Variants in STXBP5 observed in about 807,000 individuals in gnomAD.
STXBP5 encodes syntaxin-binding protein 5.
In STXBP5, 50 loss-of-function variants were observed where a neutral mutation model predicts 152.4. The observed-to-expected ratio is 0.33, with a 90% confidence interval of 0.26 to 0.42. The LOEUF (loss-of-function observed/expected upper bound fraction) is 0.42, where lower values mean the gene tolerates loss of function less well. Among genes scored for constraint, STXBP5 ranks in the 10% least tolerant of loss-of-function variants. The pLI is 1.00. For missense variants in STXBP5, 1,167 were observed against 1,388.6 expected, an observed-to-expected ratio of 0.84 and a Z score of 2.54; for synonymous variants, 492 against 494.7, an observed-to-expected ratio of 0.99 and a Z score of 0.07.
At chr6:147,285,378 C>T (rs1461021033) in intron 8 of STXBP5, among the ~76,000 whole-genome samples, 4 of 151,864 alleles carry the variant, frequency 2.6e-5, no homozygotes, top group East Asian at 1.9e-4. Context: ...AATGCTTAGC[C>T]TAGAATTATA....
At chr6:147,232,197 A>G (rs544790387) in intron 2 of STXBP5, among the ~76,000 whole-genome samples, 1 of 151,954 alleles carries the variant, frequency 6.6e-6, no homozygotes, top group African/African-American at 2.4e-5. Context: ...TAACTTGAAA[A>G]TAGAGGTCTT....
At chr6:147,208,783 C>T (rs1030859892) in intron 2 of STXBP5, among the ~76,000 whole-genome samples, 1 of 152,070 alleles carries the variant, frequency 6.6e-6, no homozygotes, top group African/African-American at 2.4e-5. Flanking sequence ...GATTTATCTA[C>T]TCTGGGTTAA....
At chr6:147,268,850 A>G (rs1306788485) in intron 7 of STXBP5, among the ~76,000 whole-genome samples, 1 of 152,166 alleles carries the variant, frequency 6.6e-6, no homozygotes, top group Non-Finnish European at 1.5e-5. Context: ...AGTATTTTTT[A>G]GAGAGGAGAA....
chr6:147,330,853 G>A (rs753660464), intron 18 of STXBP5, among the ~76,000 whole-genome samples: 10 of 152,144 alleles, frequency 6.6e-5, no homozygotes, highest in Non-Finnish European at 1.5e-4. Flanking sequence ...TTGTCTGTAG[G>A]CCAAAACCAG....
rs1047460128 is a variant in STXBP5, at chr6:147,353,261, C to T, written c.2255-62C>T. On this transcript the variant is annotated intron_variant, in intron 21 of 27. Coordinates refer to ENST00000321680, the MANE Select transcript of STXBP5 (RefSeq NM_001127715.4). ...AAGTATTCACTTCTATCTTGAAAAT[C>T]AGTTGATATTAGTATGAATCAAATA... 3 of 1,020,952 alleles carry T rather than the reference C, an allele frequency of 2.9e-6. No individual in the cohort carries two copies. The African/African-American group carries it at 5.0e-5, about 17-fold the overall frequency. 63.2% of individuals were successfully genotyped at this position (1,020,952 alleles called of 1,614,324 possible).
chr6:147,330,103 T>C (rs1264459261), intron 18 of STXBP5, among the ~76,000 whole-genome samples: 1 of 152,126 alleles, frequency 6.6e-6, no homozygotes, highest in African/African-American at 2.4e-5. Context: ...GAGTAAAATA[T>C]AGGCTGTGTT....
At chr6:147,320,626 T>C (rs958561044) in intron 16 of STXBP5, among the ~76,000 whole-genome samples, 1 of 150,738 alleles carries the variant, frequency 6.6e-6, no homozygotes, top group African/African-American at 2.4e-5. Flanking sequence ...TTGGCAGCCA[T>C]GGGGGGTGGT....
At chr6:147,303,692 C>T (rs546630258) in intron 9 of STXBP5, among the ~76,000 whole-genome samples, 3 of 152,036 alleles carry the variant, frequency 2.0e-5, no homozygotes, top group South Asian at 2.1e-4. Flanking sequence ...CTCAGAAGAC[C>T]GAAAGATATG....
intron 25 of STXBP5, among the ~76,000 whole-genome samples, chr6:147,366,961 G>A (rs923471218): frequency 2.0e-5 from 3 of 152,170 alleles, no homozygotes; most frequent in Non-Finnish European, 4.4e-5. Flanking sequence ...TACCAGGCAT[G>A]GAAAGAGACA....
chr6:147,224,497 A>C (rs556727827), intron 2 of STXBP5, among the ~76,000 whole-genome samples: 1 of 152,342 alleles, frequency 6.6e-6, no homozygotes, highest in South Asian at 2.1e-4. Flanking sequence ...ATTAAGTTGC[A>C]GGTGATCCTC....
At chr6:147,271,408 A>G (rs1008918371) in intron 7 of STXBP5, among the ~76,000 whole-genome samples, 4 of 152,110 alleles carry the variant, frequency 2.6e-5, no homozygotes, top group African/African-American at 9.6e-5. Flanking sequence ...GCTATATTTA[A>G]TGTCATAAAA....
rs1582779347 is a variant in STXBP5 at position 147,205,887 on chromosome 6, T to A, written c.151-84T>A. ...TGTTTTGCATCAGTGGTAGTGGTTC[T>A]AAATTCTAACGCCTCTATTGACTTT... On this transcript the variant is annotated intron_variant, in intron 1 of 27. Coordinates refer to ENST00000321680, the MANE Select transcript of STXBP5 (RefSeq NM_001127715.4). The A allele has an allele frequency of 3.8e-6, 4 of 1,044,118 alleles. No individual in the cohort carries two copies. In the East Asian group the frequency reaches 9.5e-5, roughly 25 times the overall value. The allele number at this position is 1,044,118 out of a possible 1,614,324, so 64.7% of individuals were successfully genotyped here. A position where few individuals can be genotyped will look rare whatever the true frequency, so the allele number is the denominator to read the frequency against.
At chr6:147,208,080 G>A (rs879413244) in intron 2 of STXBP5, among the ~76,000 whole-genome samples, 9 of 152,086 alleles carry the variant, frequency 5.9e-5, no homozygotes, top group Non-Finnish European at 1.3e-4. Flanking sequence ...ACTTTCTATA[G>A]TTAAATATTA....
chr6:147,384,780 T>G lies in STXBP5; in HGVS notation c.*25T>G, dbSNP rs1337191026. The G allele has an allele frequency of 6.2e-7, 1 of 1,602,518 alleles. No homozygotes were observed. The stretch of plus-strand genomic sequence containing the variant: ...ACAACCAGAATCCAATAAGTCCAAC[T>G]TCAGCCAGAAGGAAAAAAGTTTTCC... On this transcript the variant is annotated 3_prime_UTR_variant, in exon 28 of 28. Coordinates refer to ENST00000321680, the MANE Select transcript of STXBP5 (RefSeq NM_001127715.4).
In STXBP5 at chr6:147,281,313, C is replaced by T. The variant is rs999437954; in HGVS notation, c.838+3109C>T. On this transcript the variant is annotated intron_variant, in intron 8 of 27. Transcript: ENST00000321680. ...CCTCAGGTGATCCACCCGCCTCAGC[C>T]TCCCAAAGTGCTGGGATTACAGGCA... Among the ~76,000 whole-genome samples the T allele has an allele frequency of 2.0e-5, 3 of 152,222 alleles. No individual in the cohort carries two copies. The South Asian group carries it at 6.2e-4, about 31-fold the overall frequency.
At position 147,235,258 on chromosome 6, in the gene STXBP5, G is replaced by A. The variant is rs144000289; in HGVS notation, c.257G>A (p.Arg86His). Residue 86 changes from arginine to histidine, a missense_variant, in exon 3 of 28, where the codon CGT (arginine) becomes CAT (histidine). Arg to His is a conservative substitution (Grantham distance 29, BLOSUM62 0). Around this residue, in one of 3 missense-constraint regions of STXBP5, gnomAD observed 310 missense variants for 346.1 expected, o/e 0.90. Coordinates refer to ENST00000321680, the MANE Select transcript of STXBP5 (RefSeq NM_001127715.4). Reference sequence around the variant, plus strand: ...AATGGAATTAATTACAGCTTTGGTCGTCCAGGAGTAGAATGTTATTGCCAG... The same window carrying A: ...AATGGAATTAATTACAGCTTTGGTCATCCAGGAGTAGAATGTTATTGCCAG... ...TQTGALRLFG[R>H]PGVECYCQHD... The A allele has an allele frequency of 2.5e-5, 41 of 1,612,914 alleles. No homozygotes were observed. Among genetic ancestry groups the A allele is most frequent in the Non-Finnish European group, 3.1e-5 (37 of 1,179,328 alleles).
At chr6:147,371,034 T>C (rs1583007882) in intron 25 of STXBP5, among the ~76,000 whole-genome samples, 1 of 152,060 alleles carries the variant, frequency 6.6e-6, no homozygotes, top group East Asian at 1.9e-4. Flanking sequence ...ACAAATGATA[T>C]GCAAGAGTCT....
At chr6:147,207,042 CA>C (rs57864709) in intron 2 of STXBP5, among the ~76,000 whole-genome samples, 3 of 150,728 alleles carry the variant, frequency 2.0e-5, no homozygotes, top group South Asian at 2.1e-4. Flanking sequence ...TTACTATTGT[CA>C]AAAAAAAGAA....
chr6:147,271,509 T>C (rs1780168466), intron 7 of STXBP5, among the ~76,000 whole-genome samples: 1 of 152,084 alleles, frequency 6.6e-6, no homozygotes, highest in Non-Finnish European at 1.5e-5. Flanking sequence ...AGATGGAAAA[T>C]CTATAAATAT....
Sources: allele counts gnomAD v4.1 joint callset (sites outside exome capture counted in the v4.1 genomes callset), GRCh38; gene constraint gnomAD v4.1.1; regional missense constraint gnomAD v4.1.1; transcripts MANE v1.5; gene names NCBI Gene and HGNC (gene_info 2026-07-23, HGNC 2026-07-21).